PPFIBP1: variants seen among roughly 807,000 people sequenced by gnomAD.
PPFIBP1 encodes PPFIB scaffold protein 1.
PPFIBP1 carries 112 observed loss-of-function variants against 137.8 expected under a neutral mutation model. The ratio of observed to expected loss-of-function variants is 0.81; its 90% CI spans 0.70 to 0.95. The LOEUF (loss-of-function observed/expected upper bound fraction) is 0.95. Among genes scored for constraint, PPFIBP1 ranks in the 40% least tolerant of loss-of-function variants. The probability of loss-of-function intolerance (pLI) is 0.00; values close to 1 mark genes in which losing one functional copy is unlikely to be tolerated. For synonymous variants in PPFIBP1, 378 were observed against 417.3 expected (o/e 0.91, Z 1.15); for missense variants, 1,083 against 1,196.6 (o/e 0.91, Z 1.40).
At chr12:27,654,081 A>G (rs1402654237) in intron 7 of PPFIBP1, among the ~76,000 whole-genome samples, 1 of 152,220 alleles carries the variant, frequency 6.6e-6, no homozygotes, top group African/African-American at 2.4e-5. Flanking sequence ...GATAATTAAA[A>G]TAGTCCTCAA....
At chr12:27,588,365 T>C (rs542179610) in intron 2 of PPFIBP1, among the ~76,000 whole-genome samples, 1 of 152,360 alleles carries the variant, frequency 6.6e-6, no homozygotes, top group African/African-American at 2.4e-5. Context: ...AATCAATTAT[T>C]AAGTTGCTGG....
At chr12:27,656,835 G>C in intron 9 of PPFIBP1, 105 bp downstream of exon 9, 1 of 768,734 alleles carries the variant, frequency 1.3e-6, no homozygotes, top group Non-Finnish European at 2.2e-6. Context: ...ATCAAAGAAA[G>C]AGCAGCAGAA....
intron 6 of PPFIBP1, among the ~76,000 whole-genome samples, chr12:27,648,643 A>C (rs1249367726): frequency 6.6e-6 from 1 of 152,238 alleles, no homozygotes; most frequent in Non-Finnish European, 1.5e-5. Context: ...TGTGGTACTT[A>C]TACACAATGG....
intron 1 of PPFIBP1, among the ~76,000 whole-genome samples, chr12:27,534,436 T>C (rs1324606250): frequency 6.6e-6 from 1 of 152,174 alleles, no homozygotes; most frequent in Non-Finnish European, 1.5e-5. Flanking sequence ...CTGGGGATTA[T>C]TGTCATGGAG....
intron 9 of PPFIBP1, among the ~76,000 whole-genome samples, chr12:27,658,503 A>G (rs2059351458): frequency 6.6e-6 from 1 of 152,212 alleles, no homozygotes; most frequent in Non-Finnish European, 1.5e-5. Flanking sequence ...GACACTAACT[A>G]GGTTTTCATC....
chr12:27,540,114 G>GT (rs1040984887), intron 1 of PPFIBP1, among the ~76,000 whole-genome samples: 3 of 150,312 alleles, frequency 2.0e-5, no homozygotes, highest in Admixed American at 2.0e-4. Context: ...CCAGGCTGGA[G>GT]TGATGTGATT....
At chr12:27,632,058 T>A (rs1056442957) in intron 2 of PPFIBP1, among the ~76,000 whole-genome samples, 18 of 152,210 alleles carry the variant, frequency 1.2e-4, no homozygotes, top group Non-Finnish European at 2.4e-4. Context: ...ACACATACCT[T>A]GAGTATTTTC....
intron 2 of PPFIBP1, among the ~76,000 whole-genome samples, chr12:27,621,061 G>A (rs2056301748): frequency 6.6e-6 from 1 of 152,190 alleles, no homozygotes; most frequent in South Asian, 2.1e-4. Flanking sequence ...GTAATCAATG[G>A]GTGAATGAGA....
chr12:27,562,506 G>A (rs1369815563), intron 1 of PPFIBP1, among the ~76,000 whole-genome samples: 1 of 152,156 alleles, frequency 6.6e-6, no homozygotes, highest in African/African-American at 2.4e-5. Flanking sequence ...GTTAACCTGG[G>A]CTTGTCCTGT....
rs569937296 is a variant in PPFIBP1 at position 27,553,519 on chromosome 12, T to A, written c.-123-24633T>A. On this transcript the variant is annotated intron_variant, in intron 1 of 29. Coordinates refer to ENST00000228425, the MANE Select transcript of PPFIBP1 (RefSeq NM_003622.4). ...GCTGGATGAGTTCTCCTTCAATAGC[T>A]TTGAAGTTATGTGGCTGACCCTGTA... 5.3e-5 allele frequency among the ~76,000 whole-genome samples: 8 copies of A among 152,302 alleles called. 1 individual carries two copies. In the Middle Eastern group the frequency reaches 0.02, roughly 389 times the overall value.
intron 5 of PPFIBP1, among the ~76,000 whole-genome samples, chr12:27,647,163 A>G (rs1289087262): frequency 2.6e-5 from 4 of 151,976 alleles, no homozygotes; most frequent in Admixed American, 6.6e-5. Flanking sequence ...CCCCACAGCC[A>G]GCTAATTTTG....
chr12:27,599,338 T>C (rs566056069), intron 2 of PPFIBP1: 31 of 396,860 alleles, frequency 7.8e-5, no homozygotes, highest in Middle Eastern at 3.8e-4. Flanking sequence ...CCTTCCCTGC[T>C]CCTGGAATCA....
At chr12:27,692,056 A>G (rs2061579158) in intron 28 of PPFIBP1, 128 bp downstream of exon 28, 1 of 779,254 alleles carries the variant, frequency 1.3e-6, no homozygotes. Context: ...AATAATAGTG[A>G]ACACTTAGAG....
chr12:27,670,968 T>A (rs777721812), intron 13 of PPFIBP1, among the ~76,000 whole-genome samples: 1 of 151,862 alleles, frequency 6.6e-6, no homozygotes, highest in Non-Finnish European at 1.5e-5. Context: ...TAGGCAAGTG[T>A]GTCAGAACCA....
intron 2 of PPFIBP1, among the ~76,000 whole-genome samples, chr12:27,597,313 G>A (rs1353708515): frequency 3.9e-5 from 6 of 151,934 alleles, no homozygotes; most frequent in Non-Finnish European, 5.9e-5. Context: ...GATTACAGGC[G>A]CCCAGCTAAT....
Position 27,679,593 on chromosome 12 carries a change from C to G in PPFIBP1, c.1720C>G (p.Pro574Ala), listed in dbSNP as rs778108050. The change falls in exon 20 of 30, where the codon CCA (proline) becomes GCA (alanine). Residue 574 changes from proline (P) to alanine (A), a missense_variant. Pro to Ala is a conservative substitution (Grantham distance 27, BLOSUM62 -1). Transcript: ENST00000228425. ...TCCCTTCCAGATACCGCCTCCATCTCCAGATTCCAAAAAGAAATCCAGAGG... is the reference window on the plus strand; with the variant it reads ...TCCCTTCCAGATACCGCCTCCATCTGCAGATTCCAAAAAGAAATCCAGAGG... ...NSPFQIPPPS[P>A]DSKKKSRGIM... 6.2e-7 allele frequency: 1 copy of G among 1,613,924 alleles called. No homozygotes were observed.
chr12:27,591,680 C>T (rs1246776486), intron 2 of PPFIBP1, among the ~76,000 whole-genome samples: 1 of 152,060 alleles, frequency 6.6e-6, no homozygotes, highest in Non-Finnish European at 1.5e-5. Context: ...TCACACTAAC[C>T]CTGTGAGGTA....
intron 1 of PPFIBP1, among the ~76,000 whole-genome samples, chr12:27,573,007 G>A (rs565884732): frequency 3.3e-5 from 5 of 152,152 alleles, no homozygotes; most frequent in Non-Finnish European, 5.9e-5. Context: ...TTACTAGATA[G>A]TCAGAAAACA....
At chr12:27,642,801 A>G (rs1347581044) in intron 4 of PPFIBP1, among the ~76,000 whole-genome samples, 1 of 152,102 alleles carries the variant, frequency 6.6e-6, no homozygotes, top group African/African-American at 2.4e-5. Context: ...GAAAATGATA[A>G]GTAGAAGTGG....
Sources: gnomAD v4.1 joint callset for allele counts (sites outside exome capture counted in the v4.1 genomes callset) on GRCh38, gnomAD v4.1.1 for gene constraint, MANE v1.5 for transcripts, NCBI Gene and HGNC (gene_info 2026-07-23, HGNC 2026-07-21) for gene names.